Variants in SFPQ observed in about 807,000 individuals in gnomAD.
The protein encoded by SFPQ is splicing factor, proline- and glutamine-rich.
In SFPQ, 11 loss-of-function variants were observed where a neutral mutation model predicts 72.9. That is an observed-to-expected ratio of 0.15 (90% CI 0.09 to 0.25). The LOEUF is 0.25. SFPQ is among the 10% of genes least tolerant of loss of function. The pLI is 1.00. For missense variants in SFPQ, 847 were observed against 993.3 expected, an observed-to-expected ratio of 0.85 and a Z score of 1.98; for synonymous variants, 506 against 367.3, an observed-to-expected ratio of 1.38 and a Z score of -4.32.
downstream of SFPQ, chr1:35,179,922 A>AT: frequency 1.9e-6 from 2 of 1,054,180 alleles, no homozygotes; most frequent in Non-Finnish European, 2.3e-6. Context: ...AGTGATACTC[A>AT]TGTCACTAAT....
At chr1:35,187,338 A>T in intron 7 of SFPQ, 87 bp from the exon 8 acceptor site, 1 of 1,215,132 alleles carries the variant, frequency 8.2e-7, no homozygotes, top group Non-Finnish European at 1.2e-6. Flanking sequence ...AGAGTTAAAT[A>T]AAAAACATGG....
downstream of SFPQ, chr1:35,179,909 T>G: frequency 9.5e-7 from 1 of 1,055,120 alleles, no homozygotes; most frequent in Non-Finnish European, 1.1e-6. Context: ...TTCTATGTAA[T>G]TTAGTGATAC....
chr1:35,180,114 A>G (rs1639405092), downstream of SFPQ: 1 of 1,049,160 alleles, frequency 9.5e-7, no homozygotes, highest in Non-Finnish European at 1.2e-6. Flanking sequence ...TTCTTGATAC[A>G]CAGAAGAAAA....
chr1:35,190,875 G>A lies in SFPQ; in HGVS notation c.1138C>T (p.Pro380Ser). The A allele has an allele frequency of 6.2e-7, 1 of 1,614,146 alleles. No homozygotes were observed. Among genetic ancestry groups the A allele is most frequent in the Non-Finnish European group, 8.5e-7 (1 of 1,180,032 alleles). The change falls in exon 3 of 10, where the codon CCT (proline) becomes TCT (serine). Residue 380 changes from proline (P) to serine (S), a missense_variant. By Grantham distance (74) the Pro-to-Ser change is moderately conservative. This residue lies in a region of SFPQ where 132 missense variants were observed against 255.4 expected (regional missense o/e 0.52). Coordinates refer to ENST00000357214, the MANE Select transcript of SFPQ (RefSeq NM_005066.3). ...AAALSVRNLS[P>S]YVSNELLEEA... ...TCCAACAGTTCATTGGAAACATAAG[G>A]TGAAAGATTACGAACAGAAAGGGCA...
In SFPQ at chr1:35,186,981, C is replaced by T. The variant is rs770727362; in HGVS notation, c.1986+20G>A. 2.1e-5 allele frequency: 33 copies of T among 1,599,902 alleles called. No homozygotes were observed. The highest frequency in any genetic ancestry group is 1.2e-4 in the Admixed American group (7 of 58,012). ...GAAAATGAGAATTTCCTTGGTACTA[C>T]GTCCCACAGGATACATTACCATGTC... On this transcript the variant is annotated intron_variant, in intron 9 of 9. Coordinates refer to ENST00000357214, the MANE Select transcript of SFPQ (RefSeq NM_005066.3).
rs1639816958 is a variant in SFPQ at position 35,188,170 on chromosome 1, C to T, written c.1698-80G>A. 2.8e-6 allele frequency: 3 copies of T among 1,069,108 alleles called. No individual in the cohort carries two copies. The South Asian group carries it at 3.8e-5, about 14-fold the overall frequency. 66.2% of individuals were successfully genotyped at this position (1,069,108 alleles called of 1,614,324 possible). A position where few individuals can be genotyped will look rare whatever the true frequency, so the allele number is the denominator to read the frequency against. ...CAATGTGAAGAAACCTAGCAGTTGA[C>T]CTAAGAACTAGGTTAGCACTAAAAA... On this transcript the variant is annotated intron_variant, in intron 6 of 9. Coordinates refer to ENST00000357214, the MANE Select transcript of SFPQ (RefSeq NM_005066.3).
rs756456088 is a variant in SFPQ, at chr1:35,192,795, ATGCGGTGGCGGCTGC to A, written c.240_254del (p.Gln80_Pro84del). ...GCGGCTGTGGATGCGGCGGCGGCTG[ATGCGGTGGCGGCTGC>A]TGCGGCGGTGGCTGCTGCGGTGGTG... On this transcript the variant is annotated inframe_deletion, in exon 1 of 10. Transcript: ENST00000357214. The A allele has an allele frequency of 9.2e-5, 138 of 1,500,998 alleles. No homozygotes were observed. In the African/African-American group the frequency reaches 1.6e-3, roughly 17 times the overall value. The allele number at this position is 1,500,998 out of a possible 1,614,324, so 93.0% of individuals were successfully genotyped here.
downstream of SFPQ, chr1:35,179,467 C>A (rs996101205): frequency 1.6e-5 from 17 of 1,055,544 alleles, no homozygotes; most frequent in Middle Eastern, 2.1e-3. Context: ...CAAGACTGTT[C>A]TCATTAAAAA....
chr1:35,178,175 G>T, downstream of SFPQ: 1 of 1,061,412 alleles, frequency 9.4e-7, no homozygotes, highest in Non-Finnish European at 1.1e-6. Context: ...AAAAAAATAG[G>T]AAGAAACTTC....
At position 35,186,220 on chromosome 1, in the gene SFPQ, T is replaced by C. The variant is rs546254963; in HGVS notation, c.1986+781A>G. On this transcript the variant is annotated intron_variant, in intron 9 of 9. Coordinates refer to ENST00000357214, the MANE Select transcript of SFPQ (RefSeq NM_005066.3). ...GAACTCATCACATTCAACTCAGCTA[T>C]AAAAATGCACTCTCTAAACCCACCA... Among the ~76,000 whole-genome samples, 7 of 152,264 alleles carry C rather than the reference T, an allele frequency of 4.6e-5. No individual in the cohort carries two copies. The South Asian group carries it at 1.5e-3, about 32-fold the overall frequency.
intron 7 of SFPQ, among the ~76,000 whole-genome samples, chr1:35,187,540 G>A (rs1639779929): frequency 6.6e-6 from 1 of 152,172 alleles, no homozygotes; most frequent in Non-Finnish European, 1.5e-5. Flanking sequence ...AGACCAGCCT[G>A]GCCAACAAGG....
At position 35,187,454 on chromosome 1, in the gene SFPQ, G is replaced by C. The variant is rs535430781; in HGVS notation, c.1816-203C>G. 1.2e-3 allele frequency among the ~76,000 whole-genome samples: 188 copies of C among 152,290 alleles called. 1 individual carries two copies. Among genetic ancestry groups the C allele is most frequent in the African/African-American group, 4.5e-3 (185 of 41,564 alleles). On this transcript the variant is annotated intron_variant, in intron 7 of 9. Transcript: ENST00000357214. ...CTACAAAACTTCCTATTCAAGGCCG[G>C]GAGCAGTGGCTCACGCCTGTAATCA...
At chr1:35,177,892 A>C in intron 4 of SFPQ, 2 of 432,258 alleles carry the variant, frequency 4.6e-6, no homozygotes, top group Non-Finnish European at 6.8e-6. Flanking sequence ...AACGGTAAAC[A>C]TCTCAAATAT....
At chr1:35,181,424 T>G, downstream of SFPQ, 2 of 1,063,920 alleles carry the variant, frequency 1.9e-6, no homozygotes, top group Non-Finnish European at 2.3e-6. Flanking sequence ...ACATTACAAT[T>G]TCCCCATTTT....
downstream of SFPQ, chr1:35,181,759 C>T: frequency 1.0e-6 from 1 of 985,284 alleles, no homozygotes. Context: ...CCTTTCCCAC[C>T]CCAAGTTTCA....
At position 35,192,151 on chromosome 1, in the gene SFPQ, C is replaced by A. The variant is rs555441545; in HGVS notation, c.828+71G>T. 6.7e-3 allele frequency: 8,109 copies of A among 1,217,886 alleles called. 46 individuals carry two copies. Among genetic ancestry groups the A allele is most frequent in the South Asian group, 6.7e-3 (245 of 36,342 alleles). The allele number at this position is 1,217,886 out of a possible 1,614,324, so 75.4% of individuals were successfully genotyped here. A position where few individuals can be genotyped will look rare whatever the true frequency, so the allele number is the denominator to read the frequency against. ...CAGCCGACAAAATGGAAGCCCAGCG[C>A]GGGGGCGGGGGCGAGGAGGGGGCCG... On this transcript the variant is annotated intron_variant, in intron 1 of 9. Transcript: ENST00000357214.
downstream of SFPQ, chr1:35,178,637 A>G (rs1015808857): frequency 1.0e-5 from 11 of 1,056,204 alleles, no homozygotes; most frequent in African/African-American, 4.9e-5. Flanking sequence ...CAAGGAACCA[A>G]TTTTTTTCTG....
At chr1:35,186,734 A>T (rs1052694396) in intron 9 of SFPQ, among the ~76,000 whole-genome samples, 1 of 152,144 alleles carries the variant, frequency 6.6e-6, no homozygotes, top group African/African-American at 2.4e-5. Context: ...AAAGCACCTA[A>T]ATCTACTTAT....
At chr1:35,180,089 CA>C, downstream of SFPQ, 12 of 1,051,402 alleles carry the variant, frequency 1.1e-5, no homozygotes, top group Non-Finnish European at 1.1e-5. Flanking sequence ...AATTGCTTGC[CA>C]ACGAGCAAGC....
Sources: allele counts gnomAD v4.1 joint callset (sites outside exome capture counted in the v4.1 genomes callset), GRCh38; gene constraint gnomAD v4.1.1; regional missense constraint gnomAD v4.1.1; transcripts MANE v1.5; gene names NCBI Gene and HGNC (gene_info 2026-07-23, HGNC 2026-07-21).